Variants in AGAP1 observed in about 807,000 individuals in gnomAD.
AGAP1 encodes the protein ArfGAP with GTPase domain, ankyrin repeat and PH domain 1.
In AGAP1, 29 loss-of-function variants were observed where a neutral mutation model predicts 105.3. The observed-to-expected ratio is 0.28, with a 90% confidence interval of 0.21 to 0.38. AGAP1 has a LOEUF of 0.38. Ranked by LOEUF, AGAP1 falls within the 10% of genes least tolerant of loss-of-function variation. AGAP1 has a pLI of 1.00. For missense variants in AGAP1, 998 were observed against 1,165.1 expected, an observed-to-expected ratio of 0.86 and a Z score of 2.09; for synonymous variants, 509 against 485.9, an observed-to-expected ratio of 1.05 and a Z score of -0.63.
chr2:235,589,189 G>GTTTTTTTTTTTTTTTTTTTTT (rs1205771315), intron 1 of AGAP1, among the ~76,000 whole-genome samples: 3 of 54,926 alleles, frequency 5.5e-5, no homozygotes, highest in African/African-American at 1.0e-4. Context: ...ATAGCTTATT[G>GTTTTTTTTTTTTTTTTTTTTT]TTTTGTTTTT....
chr2:235,646,962 C>T (rs968304261), intron 1 of AGAP1, among the ~76,000 whole-genome samples: 1 of 152,006 alleles, frequency 6.6e-6, no homozygotes, highest in South Asian at 2.1e-4. Context: ...GGTGAAACCC[C>T]GTCTCCACTA....
At chr2:236,008,243 C>G (rs557302509) in intron 13 of AGAP1, among the ~76,000 whole-genome samples, 1 of 152,332 alleles carries the variant, frequency 6.6e-6, no homozygotes, top group South Asian at 2.1e-4. Flanking sequence ...TCGTCGGTTT[C>G]TGTTCTCATG....
chr2:235,870,856 G>T (rs1320443695), intron 9 of AGAP1, among the ~76,000 whole-genome samples: 1 of 152,196 alleles, frequency 6.6e-6, no homozygotes, highest in East Asian at 1.9e-4. Flanking sequence ...GCTTCCTGCT[G>T]TACTTAAAGT....
At chr2:235,512,791 C>T (rs1006669781) in intron 1 of AGAP1, among the ~76,000 whole-genome samples, 1 of 152,202 alleles carries the variant, frequency 6.6e-6, no homozygotes, top group African/African-American at 2.4e-5. Flanking sequence ...GACCATGTAA[C>T]CTTTGCGCCA....
At chr2:235,820,186 C>A (rs894856684) in intron 9 of AGAP1, among the ~76,000 whole-genome samples, 1 of 152,078 alleles carries the variant, frequency 6.6e-6, no homozygotes, top group East Asian at 1.9e-4. Context: ...AGCCACCATG[C>A]GTGGCTAAAA....
intron 6 of AGAP1, among the ~76,000 whole-genome samples, chr2:235,771,715 C>T (rs114875005): frequency 0.015 from 2,244 of 152,206 alleles, 50 homozygotes; most frequent in African/African-American, 0.052. Flanking sequence ...GTCAGGGGCT[C>T]CCTCCTTCCT....
At chr2:235,757,530 T>C (rs1954032172) in intron 6 of AGAP1, among the ~76,000 whole-genome samples, 1 of 152,242 alleles carries the variant, frequency 6.6e-6, no homozygotes, top group East Asian at 1.9e-4. Flanking sequence ...ATGTCAGTCC[T>C]TTGACCTCAT....
At chr2:235,832,592 C>A (rs1959561362) in intron 9 of AGAP1, among the ~76,000 whole-genome samples, 2 of 152,228 alleles carry the variant, frequency 1.3e-5, no homozygotes, top group Non-Finnish European at 2.9e-5. Flanking sequence ...TTCTAGACTT[C>A]ATTGCAGCTA....
In AGAP1 at chr2:236,096,810, C is replaced by A. The variant is rs2059203077; in HGVS notation, c.2115-23382C>A. 6.6e-6 allele frequency among the ~76,000 whole-genome samples: 1 copy of A among 151,930 alleles called. No homozygotes were observed. ...TGTTGGCCAGGCTGGTCTCGAGCTC[C>A]CAACCTCAAGTGATTCACCCCGGCC... On this transcript the variant is annotated intron_variant, in intron 16 of 17. Coordinates refer to ENST00000304032, the MANE Select transcript of AGAP1 (RefSeq NM_001037131.3). The surrounding 1 kb of genome is among the most constrained non-coding windows in gnomAD (Gnocchi z 4.4).
In AGAP1 at chr2:235,586,923, G is replaced by A. The variant is rs11899414; in HGVS notation, c.163+92074G>A. 0.025 allele frequency among the ~76,000 whole-genome samples: 3,790 copies of A among 152,270 alleles called. 162 individuals carry two copies. Among genetic ancestry groups the A allele is most frequent in the African/African-American group, 0.086 (3,587 of 41,546 alleles). On this transcript the variant is annotated intron_variant, in intron 1 of 17. Transcript: ENST00000304032. The surrounding 1 kb of genome is among the most constrained non-coding windows in gnomAD (Gnocchi z 4.2). ...CAGCATACAGCTTGAATGAACTCAC[G>A]TGTGTAACCAGATCAAGAGGCAGAA...
At chr2:235,969,779 A>G (rs1219209358) in intron 13 of AGAP1, among the ~76,000 whole-genome samples, 1 of 152,156 alleles carries the variant, frequency 6.6e-6, no homozygotes, top group Admixed American at 6.5e-5. Flanking sequence ...TTTCATCATC[A>G]GGAAGCTGAA....
chr2:235,871,861 G>C (rs1028425149), intron 9 of AGAP1, among the ~76,000 whole-genome samples: 3 of 152,104 alleles, frequency 2.0e-5, no homozygotes, highest in Admixed American at 6.5e-5. Flanking sequence ...AGTGAGTCTC[G>C]GGCAGCCCAG....
intron 11 of AGAP1, among the ~76,000 whole-genome samples, chr2:235,917,159 T>G (rs1014812126): frequency 2.0e-5 from 3 of 152,138 alleles, no homozygotes; most frequent in Non-Finnish European, 4.4e-5. Context: ...CCCCTTCTCC[T>G]CTACATCCCC....
intron 2 of AGAP1, among the ~76,000 whole-genome samples, chr2:235,711,973 A>G (rs182645098): frequency 1.3e-5 from 2 of 152,142 alleles, no homozygotes; most frequent in East Asian, 1.9e-4. Flanking sequence ...AAAAAATTCA[A>G]TGTTCGCTTT....
intron 1 of AGAP1, chr2:235,671,097 G>T: frequency 8.0e-7 from 1 of 1,254,312 alleles, no homozygotes; most frequent in Non-Finnish European, 1.0e-6. Context: ...GGGAAGGGGC[G>T]TGGTGGGGAC....
chr2:235,713,944 C>G (rs111994148), intron 2 of AGAP1, among the ~76,000 whole-genome samples: 1,686 of 152,248 alleles, frequency 0.011, 16 homozygotes, highest in Non-Finnish European at 0.014. Flanking sequence ...TAATCTGCTC[C>G]CACAACTGCC....
At chr2:236,022,054 C>CAAAA (rs55810820) in intron 13 of AGAP1, among the ~76,000 whole-genome samples, 1 of 89,304 alleles carries the variant, frequency 1.1e-5, no homozygotes, top group African/African-American at 4.2e-5. Context: ...GACCCTGTCT[C>CAAAA]AAAAAAAAAA....
intron 1 of AGAP1, among the ~76,000 whole-genome samples, chr2:235,640,146 TAGTC>T (rs1253407834): frequency 6.6e-6 from 1 of 152,228 alleles, no homozygotes; most frequent in Non-Finnish European, 1.5e-5. Flanking sequence ...CAGTTGCTCT[TAGTC>T]AGAAACTCAC....
intron 1 of AGAP1, among the ~76,000 whole-genome samples, chr2:235,706,337 G>A (rs990142855): frequency 6.6e-6 from 1 of 152,146 alleles, no homozygotes; most frequent in Non-Finnish European, 1.5e-5. Context: ...CCATTCTCCT[G>A]CCTCAGGCTC....
Sources: allele counts gnomAD v4.1 joint callset (sites outside exome capture counted in the v4.1 genomes callset), GRCh38; gene constraint gnomAD v4.1.1; non-coding constraint Gnocchi (gnomAD v3.1); transcripts MANE v1.5; gene names NCBI Gene and HGNC (gene_info 2026-07-23, HGNC 2026-07-21).